The following ZSCAN20 variants were observed in gnomAD, a reference collection of about 807,000 sequenced individuals.
ZSCAN20 encodes the protein zinc finger and SCAN domain-containing protein 20.
A neutral mutation model predicts 97.1 loss-of-function variants in ZSCAN20; 39 were observed. The observed-to-expected ratio is 0.40, with a 90% CI of 0.31 to 0.52. The LOEUF is 0.52. Among genes scored for constraint, ZSCAN20 ranks in the 20% least tolerant of loss-of-function variants. The pLI, the probability that ZSCAN20 is intolerant of heterozygous loss-of-function variation, is 0.49. For missense variants in ZSCAN20, 1,115 were observed against 1,290.4 expected, an observed-to-expected ratio of 0.86 and a Z score of 2.08; for synonymous variants, 456 against 467.3, an observed-to-expected ratio of 0.98 and a Z score of 0.31.
At chr1:33,487,495 C>G (rs1217202481) in intron 2 of ZSCAN20, among the ~76,000 whole-genome samples, 2 of 150,276 alleles carry the variant, frequency 1.3e-5, no homozygotes, top group East Asian at 3.9e-4. Flanking sequence ...ATCTATATCT[C>G]TGAGTACCTT....
chr1:33,496,470 G>T lies in ZSCAN20; in HGVS notation c.*994G>T, dbSNP rs1652866956. 1 of 152,166 alleles carries T rather than the reference G, an allele frequency of 6.6e-6. No homozygotes were observed. The highest frequency in any genetic ancestry group is 1.5e-5 in the Non-Finnish European group (1 of 68,036). 9.4% of individuals were successfully genotyped at this position (152,166 alleles called of 1,614,324 possible). ...TGAGTTTCCATCTTCGCAATAATAT[G>T]GGTGAGAGATATAGGTGGGTTGAGA... On this transcript the variant is annotated 3_prime_UTR_variant, in exon 8 of 8. Coordinates refer to ENST00000684572, the MANE Select transcript of ZSCAN20 (RefSeq NM_001377376.1).
rs1653073830 is a variant in ZSCAN20 at position 33,501,550 on chromosome 1, T to TG, written c.*6075dup. Among the ~76,000 whole-genome samples, 1 of 151,038 alleles carries TG rather than the reference T, an allele frequency of 6.6e-6. No individual in the cohort carries two copies. The highest frequency in any genetic ancestry group is 6.6e-5 in the Admixed American group (1 of 15,216). On this transcript the variant is annotated 3_prime_UTR_variant, in exon 8 of 8. Coordinates refer to ENST00000684572, the MANE Select transcript of ZSCAN20 (RefSeq NM_001377376.1). ...CATTTTCTGTTATTTTTTTTTTTTTTGTGCTGTTATGTACATCTCTTAAAG... is the reference window on the plus strand; with the variant it reads ...CATTTTCTGTTATTTTTTTTTTTTTTGGTGCTGTTATGTACATCTCTTAAAG...
Position 33,493,667 on chromosome 1 carries a change from A to G in ZSCAN20, c.1873+52A>G. 1 of 1,493,544 alleles carries G rather than the reference A, an allele frequency of 6.7e-7. No individual in the cohort carries two copies. The highest frequency in any genetic ancestry group is 8.9e-7 in the Non-Finnish European group (1 of 1,120,082). 92.5% of individuals were successfully genotyped at this position (1,493,544 alleles called of 1,614,324 possible). On this transcript the variant is annotated intron_variant, in intron 7 of 7. Coordinates refer to ENST00000684572, the MANE Select transcript of ZSCAN20 (RefSeq NM_001377376.1). This position sits in a 1 kb window ranked among gnomAD's most constrained non-coding sequence, Gnocchi z 4.3. The stretch of plus-strand genomic sequence containing the variant: ...CAAAATCTGTGGGCATGTGGAGAGA[A>G]TGAGGAAGCCAGGCTCATTATCTTT...
intron 2 of ZSCAN20, among the ~76,000 whole-genome samples, chr1:33,487,787 C>T (rs1652427442): frequency 6.6e-6 from 1 of 152,034 alleles, no homozygotes; most frequent in Non-Finnish European, 1.5e-5. Flanking sequence ...GGGGTACAGG[C>T]ATGTGCCACC....
rs774839995 is a variant in ZSCAN20 at position 33,491,340 on chromosome 1, C to T, written c.1082C>T (p.Ala361Val). The change falls in exon 6 of 8, where the codon GCA becomes GTA. Residue 361 changes from alanine to valine, a missense_variant. This residue lies in a region of ZSCAN20 where 508 missense variants were observed against 611.2 expected (regional missense o/e 0.83). Coordinates refer to ENST00000684572, the MANE Select transcript of ZSCAN20 (RefSeq NM_001377376.1). This position sits in a 1 kb window ranked among gnomAD's most constrained non-coding sequence, Gnocchi z 4.3. Reference sequence around the variant, plus strand: ...AACCGCCAGGTATATCGGGCCATTGCAGAGCAGCTAAGGGCAAGGGGCTTC... The same window carrying T: ...AACCGCCAGGTATATCGGGCCATTGTAGAGCAGCTAAGGGCAAGGGGCTTC... Reference protein sequence around the residue: ...HQNRQVYRAIAEQLRARGFLR... With the variant: ...HQNRQVYRAIVEQLRARGFLR... 6.2e-6 allele frequency: 10 copies of T among 1,614,126 alleles called. No homozygotes were observed. The East Asian group carries it at 2.2e-4, about 36-fold the overall frequency.
rs34845735 is a variant in ZSCAN20 at position 33,491,624 on chromosome 1, G to A, written c.1366G>A (p.Gly456Ser). The change falls in exon 6 of 8, where the codon GGT becomes AGT. Residue 456 changes from glycine to serine, a missense_variant. Around this residue, in one of 3 missense-constraint regions of ZSCAN20, gnomAD observed 508 missense variants for 611.2 expected, o/e 0.83. Transcript: ENST00000684572. This position sits in a 1 kb window ranked among gnomAD's most constrained non-coding sequence, Gnocchi z 4.3. ...TGAAGAAATGGCAGAAGACTGTAAC[G>A]GTGCTGGCCTGGTCAATGTTGAGTC... is the stretch of plus-strand genomic sequence containing the variant. ...DPEEMAEDCNGAGLVNVESTQ... is the reference protein window; with the variant it reads ...DPEEMAEDCNSAGLVNVESTQ... 14 of 1,614,182 alleles carry A rather than the reference G, an allele frequency of 8.7e-6. No homozygotes were observed. The highest frequency in any genetic ancestry group is 6.7e-5 in the Admixed American group (4 of 60,036).
At chr1:33,487,371 C>A (rs1652410692) in intron 2 of ZSCAN20, among the ~76,000 whole-genome samples, 1 of 152,202 alleles carries the variant, frequency 6.6e-6, no homozygotes, top group Non-Finnish European at 1.5e-5. Flanking sequence ...ACCTTGACCT[C>A]TCTACCTGTG....
intron 5 of ZSCAN20, among the ~76,000 whole-genome samples, chr1:33,490,198 C>G (rs1208336953): frequency 6.6e-6 from 1 of 152,128 alleles, no homozygotes; most frequent in Admixed American, 6.5e-5. Context: ...ACCAGAAGCT[C>G]GCTGGCTACT....
At position 33,491,555 on chromosome 1, in the gene ZSCAN20, A is replaced by G. The variant is rs762656442; in HGVS notation, c.1297A>G (p.Ser433Gly). The G allele has an allele frequency of 6.2e-7, 1 of 1,614,108 alleles. No individual in the cohort carries two copies. Among genetic ancestry groups the G allele is most frequent in the Non-Finnish European group, 8.5e-7 (1 of 1,179,984 alleles). Residue 433 changes from serine (S) to glycine (G), a missense_variant, in exon 6 of 8, where the codon AGT becomes GGT. This residue lies in a region of ZSCAN20 where 508 missense variants were observed against 611.2 expected (regional missense o/e 0.83). Coordinates refer to ENST00000684572, the MANE Select transcript of ZSCAN20 (RefSeq NM_001377376.1). This position sits in a 1 kb window ranked among gnomAD's most constrained non-coding sequence, Gnocchi z 4.3. The part of the protein sequence containing the change: ...EAVALPRLGY[S>G]DAEMDEQEEG... ...CGTGGCACTTCCCAGGCTCGGGTAT[A>G]GTGACGCAGAGATGGATGAGCAGGA...
At chr1:33,489,346 C>A in intron 4 of ZSCAN20, 155 bp downstream of exon 4, 1 of 973,400 alleles carries the variant, frequency 1.0e-6, no homozygotes, top group Non-Finnish European at 1.6e-6. Flanking sequence ...TGCTGGGCCC[C>A]AAACATCCCC....
intron 1 of ZSCAN20, among the ~76,000 whole-genome samples, chr1:33,476,248 C>G (rs1651935247): frequency 6.6e-6 from 1 of 152,204 alleles, no homozygotes; most frequent in South Asian, 2.1e-4. Context: ...TGTTGGCCGA[C>G]TCTGTTGGCC....
In ZSCAN20 at chr1:33,488,621, G is replaced by A. The variant is rs376223280; in HGVS notation, c.574G>A (p.Glu192Lys). 3.7e-5 allele frequency: 60 copies of A among 1,612,892 alleles called. No individual in the cohort carries two copies. Among genetic ancestry groups the A allele is most frequent in the Middle Eastern group, 1.7e-4 (1 of 6,002 alleles). The change falls in exon 3 of 8, where the codon GAG (glutamate) becomes AAG (lysine). Residue 192 changes from glutamate (E) to lysine (K), a missense_variant. Glu to Lys is a moderately conservative substitution (Grantham distance 56). Transcript: ENST00000684572. ...TGACCTTCCCAATCACCTAAATGCC[G>A]AGGTGGCACCACAGCCTTTGAAAGA... ...CPDLPNHLNA[E>K]VAPQPLKESA...
rs774583419 is a variant in ZSCAN20 at position 33,493,330 on chromosome 1, C to T, written c.1588C>T (p.Leu530=). Residue 530 remains leucine (L), a synonymous_variant, in exon 7 of 8, where the codon CTG becomes TTG. Coordinates refer to ENST00000684572, the MANE Select transcript of ZSCAN20 (RefSeq NM_001377376.1). This position sits in a 1 kb window ranked among gnomAD's most constrained non-coding sequence, Gnocchi z 4.3. ...AGAGCGGCTGTGTGCTCTGGGCTTC[C>T]TGCGGACACTGGAGCAGTGTCGCTA... ...IAERLCALGF[L]RTLEQCRYRF... 3 of 1,614,170 alleles carry T rather than the reference C, an allele frequency of 1.9e-6. No homozygotes were observed. The highest frequency in any genetic ancestry group is 3.3e-5 in the Admixed American group (2 of 60,026).
intron 5 of ZSCAN20, 93 bp downstream of exon 5, chr1:33,489,695 C>T (rs1009896358): frequency 2.3e-5 from 25 of 1,094,400 alleles, no homozygotes; most frequent in African/African-American, 9.4e-5. Context: ...AGAATCATGG[C>T]TCTGCAGTCT....
chr1:33,483,841 GA>G (rs1454007472), intron 2 of ZSCAN20, among the ~76,000 whole-genome samples: 1 of 152,140 alleles, frequency 6.6e-6, no homozygotes, highest in African/African-American at 2.4e-5. Flanking sequence ...TGTGAACATG[GA>G]ATATTGTTCC....
intron 2 of ZSCAN20, among the ~76,000 whole-genome samples, chr1:33,483,768 G>A (rs1360420085): frequency 6.6e-6 from 1 of 152,134 alleles, no homozygotes; most frequent in Non-Finnish European, 1.5e-5. Context: ...TTTTGATTGG[G>A]TGTTGAATCT....
intron 2 of ZSCAN20, among the ~76,000 whole-genome samples, chr1:33,486,661 T>G (rs960779461): frequency 6.6e-6 from 1 of 152,212 alleles, no homozygotes; most frequent in East Asian, 1.9e-4. Flanking sequence ...GAATCTTTGC[T>G]TAGGGATGGT....
Position 33,491,755 on chromosome 1 carries a change from A to G in ZSCAN20, c.1444+53A>G. ...CAGATTTCCAACCCTCCTACCAGCT[A>G]GACTGCTATTCCCTGAGGTCAGGGC... On this transcript the variant is annotated intron_variant, in intron 6 of 7. Coordinates refer to ENST00000684572, the MANE Select transcript of ZSCAN20 (RefSeq NM_001377376.1). The surrounding 1 kb of genome is among the most constrained non-coding windows in gnomAD (Gnocchi z 4.3). The G allele has an allele frequency of 2.0e-6, 3 of 1,509,506 alleles. No homozygotes were observed. The highest frequency in any genetic ancestry group is 1.4e-5 in the African/African-American group (1 of 71,706). 93.5% of individuals were successfully genotyped at this position (1,509,506 alleles called of 1,614,324 possible).
Position 33,494,610 on chromosome 1 carries a change from C to T in ZSCAN20, c.2266C>T (p.His756Tyr), listed in dbSNP as rs1652774464. ...NFSDRSNLNT[H>Y]QRIHTGEKPY... ...TAGTGACCGCTCTAACCTCAATACC[C>T]ATCAGAGAATCCACACTGGAGAGAA... The change falls in exon 8 of 8, where the codon CAT becomes TAT. Residue 756 changes from histidine to tyrosine, a missense_variant. Around this residue, in one of 3 missense-constraint regions of ZSCAN20, gnomAD observed 554 missense variants for 584.9 expected, o/e 0.95. Coordinates refer to ENST00000684572, the MANE Select transcript of ZSCAN20 (RefSeq NM_001377376.1). 1 of 1,614,014 alleles carries T rather than the reference C, an allele frequency of 6.2e-7. No homozygotes were observed. The highest frequency in any genetic ancestry group is 8.5e-7 in the Non-Finnish European group (1 of 1,179,874).
Sources: gnomAD v4.1 joint callset for allele counts (sites outside exome capture counted in the v4.1 genomes callset) on GRCh38, gnomAD v4.1.1 for gene constraint, gnomAD v4.1.1 regional missense constraint, Gnocchi (gnomAD v3.1) non-coding constraint, MANE v1.5 for transcripts, NCBI Gene and HGNC (gene_info 2026-07-23, HGNC 2026-07-21) for gene names.